The following MAGI2 variants were observed in gnomAD, a reference collection of about 807,000 sequenced individuals.
The protein encoded by MAGI2 is membrane-associated guanylate kinase, WW and PDZ domain-containing protein 2.
Under a neutral mutation model 133.3 loss-of-function variants are expected in MAGI2, and 35 were observed. The ratio of observed to expected loss-of-function variants is 0.26; its 90% CI spans 0.20 to 0.35. The LOEUF (loss-of-function observed/expected upper bound fraction) is 0.35, where lower values mean the gene tolerates loss of function less well. Ranked by LOEUF, MAGI2 falls within the 10% of genes least tolerant of loss-of-function variation. MAGI2 has a pLI of 1.00. For missense variants in MAGI2, 1,636 were observed against 1,863.4 expected, an observed-to-expected ratio of 0.88 and a Z score of 2.25; for synonymous variants, 729 against 710.6, an observed-to-expected ratio of 1.03 and a Z score of -0.41.
chr7:78,582,701 T>G (rs6974517), intron 3 of MAGI2, among the ~76,000 whole-genome samples: 2,480 of 152,304 alleles, frequency 0.016, 73 homozygotes, highest in African/African-American at 0.057. Context: ...AAACATTTTC[T>G]TAACACTATG....
intron 3 of MAGI2, among the ~76,000 whole-genome samples, chr7:78,599,973 A>G (rs762927089): frequency 4.6e-5 from 7 of 152,180 alleles, no homozygotes; most frequent in Admixed American, 1.3e-4. Flanking sequence ...TGAGGAATGA[A>G]TCAAACCCTT....
At chr7:78,714,846 A>G (rs1482856160) in intron 2 of MAGI2, among the ~76,000 whole-genome samples, 1 of 152,194 alleles carries the variant, frequency 6.6e-6, no homozygotes, top group African/African-American at 2.4e-5. Context: ...AAACAGCCTC[A>G]TATTGTGTCT....
At chr7:78,707,971 G>C (rs1211258223) in intron 2 of MAGI2, among the ~76,000 whole-genome samples, 2 of 151,988 alleles carry the variant, frequency 1.3e-5, no homozygotes, top group Non-Finnish European at 2.9e-5. Flanking sequence ...CAGATAGACT[G>C]TTTCCCTTTA....
chr7:78,647,990 C>G lies in MAGI2; in HGVS notation c.419-20751G>C, dbSNP rs577763089. Among the ~76,000 whole-genome samples, 3 of 152,202 alleles carry G rather than the reference C, an allele frequency of 2.0e-5. No individual in the cohort carries two copies. In the South Asian group the frequency reaches 6.2e-4, roughly 32 times the overall value. ...GCAGGGGAACATTACACTCCAGGGC[C>G]TGTTGCAGGGTGGGGTGCTGGTGGA... On this transcript the variant is annotated intron_variant, in intron 2 of 21. Coordinates refer to ENST00000354212, the MANE Select transcript of MAGI2 (RefSeq NM_012301.4).
At chr7:79,421,769 T>A (rs537124116) in intron 1 of MAGI2, among the ~76,000 whole-genome samples, 1 of 152,160 alleles carries the variant, frequency 6.6e-6, no homozygotes, top group South Asian at 2.1e-4. Context: ...GCAACATTTA[T>A]GTAGTTTTAA....
intron 21 of MAGI2, chr7:78,078,728 A>T (rs1377864421): frequency 3.3e-6 from 2 of 604,238 alleles, no homozygotes; most frequent in African/African-American, 3.8e-5. Flanking sequence ...TAATGGAGGG[A>T]GCAAAAGAAA....
At chr7:78,702,133 T>C (rs1818140623) in intron 2 of MAGI2, among the ~76,000 whole-genome samples, 1 of 152,026 alleles carries the variant, frequency 6.6e-6, no homozygotes. Flanking sequence ...AACTGTCATT[T>C]GGTATTTCAA....
intron 1 of MAGI2, among the ~76,000 whole-genome samples, chr7:79,059,623 T>C (rs1442115082): frequency 6.6e-6 from 1 of 152,106 alleles, no homozygotes; most frequent in African/African-American, 2.4e-5. Context: ...CAAATTTCTA[T>C]ATTATCCAAG....
At chr7:78,568,081 C>G (rs901138054) in intron 3 of MAGI2, 3 of 152,232 alleles carry the variant, frequency 2.0e-5, no homozygotes, top group Non-Finnish European at 4.4e-5. Context: ...CGCACACACT[C>G]CTTGTCTTCT....
intron 14 of MAGI2, among the ~76,000 whole-genome samples, chr7:78,172,594 T>A (rs147453862): frequency 1.5e-3 from 228 of 152,358 alleles, no homozygotes; most frequent in Middle Eastern, 3.4e-3. Flanking sequence ...AAAATGCCCG[T>A]ATGCTTTGTC....
intron 2 of MAGI2, among the ~76,000 whole-genome samples, chr7:78,911,629 A>G (rs904489374): frequency 1.3e-5 from 2 of 151,144 alleles, no homozygotes; most frequent in African/African-American, 4.9e-5. Flanking sequence ...GGAATAAGGC[A>G]GTATCTAAAT....
intron 9 of MAGI2, among the ~76,000 whole-genome samples, chr7:78,284,211 C>T (rs1298360793): frequency 6.6e-6 from 1 of 152,064 alleles, no homozygotes; most frequent in African/African-American, 2.4e-5. Context: ...TGGCTTAAAC[C>T]TTCCCCTAGG....
intron 1 of MAGI2, among the ~76,000 whole-genome samples, chr7:79,318,292 G>C (rs1190712649): frequency 6.6e-6 from 1 of 152,004 alleles, no homozygotes; most frequent in Admixed American, 6.6e-5. Flanking sequence ...TTAATCATCA[G>C]TAGGTTGAGG....
At chr7:79,133,293 C>G (rs1821101994) in intron 1 of MAGI2, among the ~76,000 whole-genome samples, 3 of 152,120 alleles carry the variant, frequency 2.0e-5, no homozygotes, top group Admixed American at 2.0e-4. Context: ...TTTTATATTT[C>G]AGTCTTTGAT....
intron 1 of MAGI2, among the ~76,000 whole-genome samples, chr7:79,350,895 T>C (rs1841642385): frequency 6.6e-6 from 1 of 152,144 alleles, no homozygotes; most frequent in Non-Finnish European, 1.5e-5. Context: ...TCTATGTCCC[T>C]TTGTTTAATT....
chr7:79,214,389 CTCTCTCTCTCTCTCTCTCTATATA>C (rs1456567649), intron 1 of MAGI2, among the ~76,000 whole-genome samples: 13 of 92,740 alleles, frequency 1.4e-4, no homozygotes, highest in Middle Eastern at 5.2e-3. Context: ...CTCTCTCTCT[CTCTCTCTCTCTCTCTCTCTATATA>C]TATATATATA....
At chr7:78,129,949 A>G (rs1821395298) in intron 18 of MAGI2, among the ~76,000 whole-genome samples, 1 of 151,384 alleles carries the variant, frequency 6.6e-6, no homozygotes, top group East Asian at 1.9e-4. Context: ...AAAAAAAAAA[A>G]AAAAAAAAAA....
chr7:79,276,009 T>C (rs1373583303), intron 1 of MAGI2, among the ~76,000 whole-genome samples: 1 of 152,166 alleles, frequency 6.6e-6, no homozygotes, highest in Non-Finnish European at 1.5e-5. Context: ...AGGAGATTAA[T>C]GTTGTTTTCA....
At chr7:79,325,194 T>C (rs1563117580) in intron 1 of MAGI2, among the ~76,000 whole-genome samples, 4 of 152,122 alleles carry the variant, frequency 2.6e-5, no homozygotes, top group African/African-American at 7.2e-5. Flanking sequence ...GACCATCCTT[T>C]CTACAACATA....
Sources: allele counts gnomAD v4.1 joint callset (sites outside exome capture counted in the v4.1 genomes callset), GRCh38; gene constraint gnomAD v4.1.1; transcripts MANE v1.5; gene names NCBI Gene and HGNC (gene_info 2026-07-23, HGNC 2026-07-21).